The following SYNE1 variants were observed in gnomAD, a reference collection of about 807,000 sequenced individuals.
SYNE1 encodes the protein nesprin-1.
SYNE1 carries 616 observed loss-of-function variants against 1,111.0 expected under a neutral mutation model. The observed-to-expected ratio is 0.55, with a 90% confidence interval of 0.52 to 0.59. The LOEUF is 0.59. Ranked by LOEUF, SYNE1 falls within the 20% of genes least tolerant of loss-of-function variation. The probability of loss-of-function intolerance (pLI) is 0.00; values close to 1 mark genes in which losing one functional copy is unlikely to be tolerated. For synonymous variants in SYNE1, 3,855 were observed against 3,825.8 expected (o/e 1.01, Z -0.28); for missense variants, 10,006 against 10,417.0 (o/e 0.96, Z 1.72).
intron 128 of SYNE1, among the ~76,000 whole-genome samples, chr6:152,184,637 TAGATAG>T (rs1563298181): frequency 4.6e-4 from 58 of 125,124 alleles, no homozygotes; most frequent in South Asian, 3.2e-3. Flanking sequence ...CATATATAGA[TAGATAG>T]ATAGATAGAT....
rs548676372 is a variant in SYNE1, at chr6:152,399,053, G to A, written c.7238-322C>T. Among the ~76,000 whole-genome samples the A allele has an allele frequency of 2.2e-4, 33 of 152,292 alleles. 1 individual carries two copies. Among genetic ancestry groups the A allele is most frequent in the African/African-American group, 7.5e-4 (31 of 41,564 alleles). On this transcript the variant is annotated intron_variant, in intron 48 of 145. Coordinates refer to ENST00000367255, the MANE Select transcript of SYNE1 (RefSeq NM_182961.4). ...TTAATTGCCTGAATATGTAAAAAGTGCAAGGAGAGAAATGCTCCAGGGACA... is the reference window on the plus strand; with the variant it reads ...TTAATTGCCTGAATATGTAAAAAGTACAAGGAGAGAAATGCTCCAGGGACA...
At chr6:152,329,368 A>T (rs1004353967) in intron 78 of SYNE1, among the ~76,000 whole-genome samples, 9 of 152,304 alleles carry the variant, frequency 5.9e-5, no homozygotes, top group Admixed American at 2.0e-4. Flanking sequence ...TCTACTAAAA[A>T]ATACAAAAAT....
chr6:152,206,434 T>C (rs544568351), intron 125 of SYNE1, 72 bp from the exon 126 acceptor site: 6 of 1,565,504 alleles, frequency 3.8e-6, no homozygotes, highest in South Asian at 2.3e-5. Flanking sequence ...GATTTTTAAA[T>C]GGCCCTAACT....
At chr6:152,215,768 A>G (rs2078486462) in intron 121 of SYNE1, among the ~76,000 whole-genome samples, 1 of 152,228 alleles carries the variant, frequency 6.6e-6, no homozygotes, top group South Asian at 2.1e-4. Context: ...TTCTCTCTTT[A>G]CAAGGGAGGA....
chr6:152,448,426 T>A (rs2154246847), intron 28 of SYNE1, among the ~76,000 whole-genome samples: 1 of 151,898 alleles, frequency 6.6e-6, no homozygotes, highest in African/African-American at 2.4e-5. Flanking sequence ...GATCTCTTCA[T>A]TCTAGGATGT....
At chr6:152,291,774 C>T (rs896895516) in intron 95 of SYNE1, among the ~76,000 whole-genome samples, 1 of 152,184 alleles carries the variant, frequency 6.6e-6, no homozygotes, top group African/African-American at 2.4e-5. Flanking sequence ...TGGAGATGTC[C>T]TGAAGCTGGA....
At chr6:152,530,709 C>T (rs1332889137) in intron 4 of SYNE1, among the ~76,000 whole-genome samples, 2 of 151,466 alleles carry the variant, frequency 1.3e-5, no homozygotes, top group African/African-American at 4.9e-5. Flanking sequence ...GCAACCTCTG[C>T]CTCCCGGGTT....
chr6:152,397,609 C>T (rs1454974410), intron 49 of SYNE1, among the ~76,000 whole-genome samples: 3 of 152,300 alleles, frequency 2.0e-5, no homozygotes, highest in African/African-American at 4.8e-5. Flanking sequence ...TTTACTATAA[C>T]GATCTTTCTA....
rs2071518791 is a variant in SYNE1, at chr6:152,189,367, G to A, written c.23186C>T (p.Thr7729Ile). 6.2e-7 allele frequency: 1 copy of A among 1,613,908 alleles called. No individual in the cohort carries two copies. The highest frequency in any genetic ancestry group is 1.3e-5 in the African/African-American group (1 of 74,882). Residue 7729 changes from threonine (T) to isoleucine (I), a missense_variant, in exon 128 of 146, where the codon ACC becomes ATC. Physicochemically the swap from Thr to Ile is moderately conservative, Grantham distance 89. Coordinates refer to ENST00000367255, the MANE Select transcript of SYNE1 (RefSeq NM_182961.4). The part of the protein sequence containing the change: ...NAVGSWTDDL[T>I]QLSLLKDTLS... ...GGTGTCCTTCAGCAGGCTCAACTGG[G>A]TCAAGTCATCTGTCCAGCTCCCAAC...
chr6:152,441,313 C>A, intron 31 of SYNE1, 43 bp from the exon 32 acceptor site: 1 of 1,574,892 alleles, frequency 6.3e-7, no homozygotes, highest in Non-Finnish European at 8.6e-7. Flanking sequence ...ACAAATGTCA[C>A]ACAATACTAT....
chr6:152,237,487 AT>A (rs941736803), intron 108 of SYNE1, among the ~76,000 whole-genome samples: 8 of 150,792 alleles, frequency 5.3e-5, no homozygotes, highest in Non-Finnish European at 1.0e-4. Flanking sequence ...CTTAAAAAAA[AT>A]TTTTTTGTAG....
intron 9 of SYNE1, among the ~76,000 whole-genome samples, chr6:152,504,195 T>G (rs900475738): frequency 6.6e-6 from 1 of 152,194 alleles, no homozygotes; most frequent in Non-Finnish European, 1.5e-5. Context: ...CTTGATTTAT[T>G]TTTGTGCAGA....
intron 5 of SYNE1, among the ~76,000 whole-genome samples, chr6:152,521,222 A>T (rs1338949518): frequency 6.6e-6 from 1 of 152,120 alleles, no homozygotes; most frequent in Non-Finnish European, 1.5e-5. Flanking sequence ...TATTTCATTC[A>T]TTTCAAAAGC....
intron 87 of SYNE1, chr6:152,316,043 A>G (rs931686909): frequency 6.6e-6 from 1 of 152,262 alleles, no homozygotes; most frequent in African/African-American, 2.4e-5. Context: ...ATATTTTATT[A>G]TATGATAACT....
intron 14 of SYNE1, among the ~76,000 whole-genome samples, chr6:152,473,991 C>G (rs568849046): frequency 3.3e-5 from 5 of 152,080 alleles, no homozygotes; most frequent in Non-Finnish European, 7.3e-5. Context: ...CGAGATCAGC[C>G]TGGCCAACAT....
At chr6:152,629,362 G>A (rs2099692985) in intron 2 of SYNE1, among the ~76,000 whole-genome samples, 1 of 151,670 alleles carries the variant, frequency 6.6e-6, no homozygotes, top group Non-Finnish European at 1.5e-5. Context: ...ATACCACCAC[G>A]CCTGGCTAAT....
At chr6:152,233,143 G>A (rs555827679) in intron 112 of SYNE1, among the ~76,000 whole-genome samples, 6 of 152,216 alleles carry the variant, frequency 3.9e-5, no homozygotes, top group Non-Finnish European at 7.4e-5. Flanking sequence ...CATATATTAC[G>A]TTCTAAATCT....
intron 106 of SYNE1, 152 bp downstream of exon 106, chr6:152,244,385 T>C: frequency 9.1e-7 from 1 of 1,103,256 alleles, no homozygotes. Flanking sequence ...CATGTTAAGC[T>C]TCAGAAAATT....
rs768920446 is a variant in SYNE1 at position 152,284,046 on chromosome 6, G to C, written c.18139C>G (p.Leu6047Val). The part of the protein sequence containing the change: ...PAEQLALQST[L>V]TVLAERMSTI... ...GACATTCGCTCGGCTAAGACAGTGA[G>C]CGTGGACTGCAAGGCCAGCTGCTCC... The change falls in exon 96 of 146, where the codon CTC becomes GTC. Residue 6047 changes from leucine (L) to valine (V), a missense_variant. Around this residue, in one of 7 missense-constraint regions of SYNE1, gnomAD observed 4,955 missense variants for 5,017.2 expected, o/e 0.99. Transcript: ENST00000367255. 1 of 1,614,232 alleles carries C rather than the reference G, an allele frequency of 6.2e-7. No homozygotes were observed. Among genetic ancestry groups the C allele is most frequent in the Non-Finnish European group, 8.5e-7 (1 of 1,180,036 alleles).
Sources: allele counts gnomAD v4.1 joint callset (sites outside exome capture counted in the v4.1 genomes callset), GRCh38; gene constraint gnomAD v4.1.1; regional missense constraint gnomAD v4.1.1; transcripts MANE v1.5; gene names NCBI Gene and HGNC (gene_info 2026-07-23, HGNC 2026-07-21).